The following DOCK10 variants were observed in gnomAD, a reference collection of about 807,000 sequenced individuals.
The protein encoded by DOCK10 is dedicator of cytokinesis protein 10.
Under a neutral mutation model 280.1 loss-of-function variants are expected in DOCK10, and 145 were observed. The ratio of observed to expected loss-of-function variants is 0.52; its 90% CI spans 0.45 to 0.59. The LOEUF is 0.59. DOCK10 is among the 20% of genes least tolerant of loss of function. DOCK10 has a pLI of 0.00. For missense variants in DOCK10, 2,368 were observed against 2,651.7 expected, an observed-to-expected ratio of 0.89 and a Z score of 2.35; for synonymous variants, 915 against 942.2, an observed-to-expected ratio of 0.97 and a Z score of 0.53.
At chr2:225,026,109 G>A (rs539506235) in intron 1 of DOCK10, among the ~76,000 whole-genome samples, 1 of 152,230 alleles carries the variant, frequency 6.6e-6, no homozygotes, top group South Asian at 2.1e-4. Context: ...TGTCCTCTGG[G>A]TAGCTGGTGG....
intron 39 of DOCK10, among the ~76,000 whole-genome samples, chr2:224,802,737 T>G (rs931177122): frequency 6.6e-6 from 1 of 152,188 alleles, no homozygotes; most frequent in African/African-American, 2.4e-5. Context: ...GGAAATAGGT[T>G]GATAATTCTT....
At chr2:224,790,490 C>T (rs1197042465) in intron 47 of DOCK10, among the ~76,000 whole-genome samples, 2 of 152,112 alleles carry the variant, frequency 1.3e-5, no homozygotes, top group Non-Finnish European at 2.9e-5. Context: ...ATAGCTAATA[C>T]TTTTGTGGCA....
At chr2:224,785,807 T>C (rs1691695015) in intron 50 of DOCK10, among the ~76,000 whole-genome samples, 1 of 152,156 alleles carries the variant, frequency 6.6e-6, no homozygotes, top group African/African-American at 2.4e-5. Context: ...CTGCCTTTGG[T>C]GAGCAGAGGA....
chr2:224,840,260 A>G (rs1695877921), intron 23 of DOCK10, 188 bp from the exon 24 acceptor site: 1 of 484,294 alleles, frequency 2.1e-6, no homozygotes, highest in African/African-American at 1.9e-5. Flanking sequence ...GACAAATGGC[A>G]TATCAAACTA....
At chr2:224,858,465 T>G (rs1040533700) in intron 14 of DOCK10, among the ~76,000 whole-genome samples, 5 of 152,158 alleles carry the variant, frequency 3.3e-5, no homozygotes, top group African/African-American at 1.2e-4. Context: ...CAGACCAGCC[T>G]GGTTAACATG....
At chr2:224,803,541 T>C (rs2125194719) in intron 39 of DOCK10, among the ~76,000 whole-genome samples, 1 of 152,214 alleles carries the variant, frequency 6.6e-6, no homozygotes, top group African/African-American at 2.4e-5. Context: ...ATGTTTCCCA[T>C]TGGTTAGGCC....
intron 53 of DOCK10, among the ~76,000 whole-genome samples, chr2:224,771,124 C>T (rs78772629): frequency 0.019 from 2,834 of 151,652 alleles, 79 homozygotes; most frequent in African/African-American, 0.059. Context: ...TTTGTAGAGA[C>T]GGGGGAAGGG....
chr2:224,790,593 A>G (rs1357956104), intron 47 of DOCK10, among the ~76,000 whole-genome samples: 1 of 152,148 alleles, frequency 6.6e-6, no homozygotes, highest in East Asian at 1.9e-4. Context: ...AATTATTGCA[A>G]TCTAATCCTT....
chr2:225,002,015 T>C (rs1470294344), intron 1 of DOCK10, among the ~76,000 whole-genome samples: 2 of 152,120 alleles, frequency 1.3e-5, no homozygotes, highest in East Asian at 1.9e-4. Flanking sequence ...AAGCAACCCA[T>C]AGCCAAGAGA....
At chr2:224,799,763 C>T (rs1692842064) in intron 41 of DOCK10, among the ~76,000 whole-genome samples, 1 of 152,124 alleles carries the variant, frequency 6.6e-6, no homozygotes, top group South Asian at 2.1e-4. Flanking sequence ...AATAAGCACA[C>T]AAAAAGATGC....
chr2:224,802,106 C>A (rs1574845927), intron 39 of DOCK10, 66 bp from the exon 40 acceptor site: 1 of 1,521,324 alleles, frequency 6.6e-7, no homozygotes, highest in East Asian at 2.3e-5. Context: ...AACACTTGTT[C>A]ATTCTCAAAT....
intron 52 of DOCK10, among the ~76,000 whole-genome samples, chr2:224,773,876 C>T (rs1000741558): frequency 9.9e-5 from 15 of 152,066 alleles, no homozygotes; most frequent in Non-Finnish European, 1.5e-4. Flanking sequence ...ATGATCCGCC[C>T]GCCTCTGCCT....
intron 1 of DOCK10, among the ~76,000 whole-genome samples, chr2:225,025,689 C>T (rs1242464345): frequency 6.6e-6 from 1 of 151,790 alleles, no homozygotes. Flanking sequence ...TGCCTGGGCT[C>T]TTGTTTCCAA....
At chr2:224,973,261 A>G (rs1052251559) in intron 1 of DOCK10, among the ~76,000 whole-genome samples, 3 of 152,216 alleles carry the variant, frequency 2.0e-5, no homozygotes, top group Non-Finnish European at 4.4e-5. Flanking sequence ...TTAACAACGT[A>G]CATGTCCTAA....
At chr2:225,038,009 A>T (rs1208801292) in intron 1 of DOCK10, among the ~76,000 whole-genome samples, 3 of 152,216 alleles carry the variant, frequency 2.0e-5, no homozygotes, top group African/African-American at 7.2e-5. Context: ...CTTTCCTCAT[A>T]TGAAAACATA....
chr2:224,841,803 C>T lies in DOCK10; in HGVS notation c.2661+1G>A. ...CTGAAACTGCTTGCATGTCATGTTA[C>T]CTTACAAGAGCGGATGAAATTTGAG... On this transcript the variant is annotated splice_donor_variant, in intron 23 of 55. Transcript: ENST00000258390. LOFTEE classifies it high-confidence loss of function. 1 of 1,602,638 alleles carries T rather than the reference C, an allele frequency of 6.2e-7. No individual in the cohort carries two copies. Among genetic ancestry groups the T allele is most frequent in the Non-Finnish European group, 8.5e-7 (1 of 1,169,784 alleles).
intron 47 of DOCK10, among the ~76,000 whole-genome samples, chr2:224,789,809 T>G (rs1040623512): frequency 1.3e-4 from 20 of 151,538 alleles, no homozygotes; most frequent in Non-Finnish European, 2.8e-4. Context: ...AGACGGAGTT[T>G]CACTCTTGTT....
At chr2:224,959,412 C>T (rs1381868774) in intron 1 of DOCK10, among the ~76,000 whole-genome samples, 1 of 150,330 alleles carries the variant, frequency 6.7e-6, no homozygotes, top group African/African-American at 2.5e-5. Flanking sequence ...CAACCGGACC[C>T]CAAAAAATAA....
chr2:224,942,381 C>T (rs1703143934), intron 1 of DOCK10, among the ~76,000 whole-genome samples: 1 of 152,224 alleles, frequency 6.6e-6, no homozygotes, highest in Admixed American at 6.5e-5. Flanking sequence ...TGCTTCTTTG[C>T]ATTCTTCAAC....
Sources: gnomAD v4.1 joint callset for allele counts (sites outside exome capture counted in the v4.1 genomes callset) on GRCh38, gnomAD v4.1.1 for gene constraint, MANE v1.5 for transcripts, NCBI Gene and HGNC (gene_info 2026-07-23, HGNC 2026-07-21) for gene names.